The following ADGRL2 variants were observed in gnomAD, a reference collection of about 807,000 sequenced individuals.
ADGRL2 encodes the protein adhesion G protein-coupled receptor L2.
ADGRL2 carries 44 observed loss-of-function variants against 157.4 expected under a neutral mutation model. That is an observed-to-expected ratio of 0.28 (90% confidence interval 0.22 to 0.36). The LOEUF (loss-of-function observed/expected upper bound fraction) is 0.36, where lower values mean the gene tolerates loss of function less well. Among genes scored for constraint, ADGRL2 ranks in the 10% least tolerant of loss-of-function variants. The pLI is 1.00. For synonymous variants in ADGRL2, 585 were observed against 624.7 expected (o/e 0.94, Z 0.95); for missense variants, 1,510 against 1,768.9 (o/e 0.85, Z 2.63).
chr1:81,886,146 G>A (rs954897105), intron 2 of ADGRL2, among the ~76,000 whole-genome samples: 2 of 152,048 alleles, frequency 1.3e-5, no homozygotes, highest in African/African-American at 2.4e-5. Context: ...AGATATACAC[G>A]TTATTTCTTT....
intron 1 of ADGRL2, among the ~76,000 whole-genome samples, chr1:81,706,744 G>A (rs138570587): frequency 6.6e-6 from 1 of 152,254 alleles, no homozygotes; most frequent in African/African-American, 2.4e-5. Flanking sequence ...GGAAGAAAGG[G>A]TGGAGAGTTT....
chr1:81,382,270 T>C (rs539555131), intron 1 of ADGRL2, among the ~76,000 whole-genome samples: 1 of 152,314 alleles, frequency 6.6e-6, no homozygotes, highest in African/African-American at 2.4e-5. Flanking sequence ...TTTGTTCTCT[T>C]CTGCCTGATT....
chr1:81,457,185 T>C (rs1422769623), intron 2 of ADGRL2, among the ~76,000 whole-genome samples: 2 of 152,164 alleles, frequency 1.3e-5, no homozygotes, highest in African/African-American at 4.8e-5. Context: ...ATTTCTTTTT[T>C]TCCTAAACCT....
chr1:81,373,745 A>G (rs1179494494), intron 1 of ADGRL2, among the ~76,000 whole-genome samples: 1 of 152,204 alleles, frequency 6.6e-6, no homozygotes, highest in Non-Finnish European at 1.5e-5. Flanking sequence ...GTGACACTTC[A>G]TTACTTAACC....
intron 2 of ADGRL2, among the ~76,000 whole-genome samples, chr1:81,563,776 A>G (rs1405533264): frequency 6.6e-6 from 1 of 152,244 alleles, no homozygotes; most frequent in Non-Finnish European, 1.5e-5. Flanking sequence ...ATATATAAAT[A>G]TAAGTACTGA....
intron 1 of ADGRL2, among the ~76,000 whole-genome samples, chr1:81,397,747 A>G (rs562887887): frequency 9.3e-4 from 141 of 152,312 alleles, no homozygotes; most frequent in Non-Finnish European, 1.6e-3. Flanking sequence ...TCTATGCTGA[A>G]GAATGTTTGA....
At chr1:81,758,080 C>T (rs2085750655) in intron 1 of ADGRL2, among the ~76,000 whole-genome samples, 1 of 152,160 alleles carries the variant, frequency 6.6e-6, no homozygotes. Context: ...AAATTGGTTA[C>T]AACGTTCCTT....
rs1322282259 is a variant in ADGRL2 at position 81,992,482 on chromosome 1, C to T, written c.*1337C>T. 6.6e-6 allele frequency: 1 copy of T among 152,396 alleles called. No homozygotes were observed. The highest frequency in any genetic ancestry group is 2.4e-5 in the African/African-American group (1 of 41,374). The allele number at this position is 152,396 out of a possible 1,614,324, so 9.4% of individuals were successfully genotyped here. ...TTGGCTTTAACATGTTGGTCCATTC[C>T]CACCTTGGTTTAAGTAACGTCATAC... On this transcript the variant is annotated 3_prime_UTR_variant, in exon 24 of 24. Coordinates refer to ENST00000686636, the MANE Select transcript of ADGRL2 (RefSeq NM_001366006.2).
chr1:81,838,585 T>C (rs1243867755), intron 2 of ADGRL2, among the ~76,000 whole-genome samples: 3 of 152,102 alleles, frequency 2.0e-5, no homozygotes, highest in African/African-American at 7.2e-5. Context: ...CATCTCGTTT[T>C]TGGGGAAGAA....
At chr1:81,389,575 C>A (rs746056450) in intron 1 of ADGRL2, among the ~76,000 whole-genome samples, 2 of 152,036 alleles carry the variant, frequency 1.3e-5, no homozygotes, top group East Asian at 3.8e-4. Context: ...CGAATGATTT[C>A]GGGTATTATT....
chr1:81,827,544 C>T (rs2091596187), intron 1 of ADGRL2, among the ~76,000 whole-genome samples: 1 of 152,152 alleles, frequency 6.6e-6, no homozygotes, highest in Non-Finnish European at 1.5e-5. Context: ...ATACATATGG[C>T]TCTGTTATAC....
intron 3 of ADGRL2, among the ~76,000 whole-genome samples, chr1:81,605,696 T>G (rs992277617): frequency 2.0e-5 from 3 of 152,210 alleles, no homozygotes; most frequent in African/African-American, 7.2e-5. Flanking sequence ...TTAGTTTATC[T>G]TGGGAGAAAC....
At chr1:81,859,082 A>T (rs1480096877) in intron 2 of ADGRL2, among the ~76,000 whole-genome samples, 2 of 152,226 alleles carry the variant, frequency 1.3e-5, no homozygotes, top group Admixed American at 6.5e-5. Flanking sequence ...AACTAGAGAG[A>T]TTAAGAAGAT....
At chr1:81,853,996 T>C (rs2093113847) in intron 2 of ADGRL2, among the ~76,000 whole-genome samples, 1 of 152,156 alleles carries the variant, frequency 6.6e-6, no homozygotes, top group Non-Finnish European at 1.5e-5. Context: ...CATGTTTTCT[T>C]TTTTTGTCAT....
chr1:81,344,505 C>T (rs889723367), intron 1 of ADGRL2, among the ~76,000 whole-genome samples: 12 of 151,610 alleles, frequency 7.9e-5, no homozygotes, highest in African/African-American at 2.9e-4. Flanking sequence ...GGAGAAACCC[C>T]ATCTCTACTA....
intron 1 of ADGRL2, among the ~76,000 whole-genome samples, chr1:81,440,893 C>T (rs538345047): frequency 6.6e-6 from 1 of 152,284 alleles, no homozygotes; most frequent in African/African-American, 2.4e-5. Context: ...ACTGCCTAGC[C>T]TAGGTTCTCA....
At chr1:81,517,464 C>CAAAAAAA (rs397956551) in intron 2 of ADGRL2, among the ~76,000 whole-genome samples, 3 of 45,274 alleles carry the variant, frequency 6.6e-5, no homozygotes, top group Admixed American at 2.7e-4. Context: ...GACTCCCTCT[C>CAAAAAAA]AAAAAAAAAA....
chr1:81,372,673 T>G (rs11163265), intron 1 of ADGRL2, among the ~76,000 whole-genome samples: 115,981 of 152,080 alleles, frequency 0.76, 44,568 homozygotes, highest in Middle Eastern at 0.84. Context: ...ATTTTCTGTT[T>G]GTTTAATAAT....
rs139997516 is a variant in ADGRL2, at chr1:81,718,696, C to A, written c.-143+18888C>A. ...AGACTTTACTGCATAGTCAGCTTCG[C>A]CTTCTAATCCAATCTTCCCCAAAGC... On this transcript the variant is annotated intron_variant, in intron 1 of 20. Coordinates refer to the ADGRL2 transcript ENST00000359929. Among the ~76,000 whole-genome samples, 5 of 152,294 alleles carry A rather than the reference C, an allele frequency of 3.3e-5. No homozygotes were observed. In the East Asian group the frequency reaches 9.6e-4, roughly 29 times the overall value.
Sources: allele counts gnomAD v4.1 joint callset (sites outside exome capture counted in the v4.1 genomes callset), GRCh38; gene constraint gnomAD v4.1.1; transcripts MANE v1.5; gene names NCBI Gene and HGNC (gene_info 2026-07-23, HGNC 2026-07-21).